Variants in CCDC144A observed in about 807,000 individuals in gnomAD.
CCDC144A encodes coiled-coil domain containing 144A, also known as coiled-coil domain-containing protein 144A.
A neutral mutation model predicts 143.8 loss-of-function variants in CCDC144A; 41 were observed. That is an observed-to-expected ratio of 0.29 (90% CI 0.22 to 0.37). The LOEUF (loss-of-function observed/expected upper bound fraction) is 0.37. Among genes scored for constraint, CCDC144A ranks in the 10% least tolerant of loss-of-function variants. The pLI is 1.00. For missense variants in CCDC144A, 637 were observed against 1,488.8 expected, an observed-to-expected ratio of 0.43 and a Z score of 9.41; for synonymous variants, 242 against 517.9, an observed-to-expected ratio of 0.47 and a Z score of 7.23.
chr17:16,755,677 A>T (rs1277575113), intron 12 of CCDC144A, among the ~76,000 whole-genome samples: 2 of 152,230 alleles, frequency 1.3e-5, no homozygotes, highest in Non-Finnish European at 1.5e-5. Context: ...CTTGTGCCTC[A>T]GCCTCCTGAG....
the CCDC144A span, among the ~76,000 whole-genome samples, chr17:16,677,458 C>A: frequency 6.6e-6 from 1 of 152,014 alleles, no homozygotes; most frequent in East Asian, 1.9e-4. Context: ...TTATTGTCCC[C>A]CTCAAATTCG....
the CCDC144A span, among the ~76,000 whole-genome samples, chr17:16,682,863 G>A: frequency 1.7e-5 from 2 of 120,346 alleles, no homozygotes; most frequent in Admixed American, 1.0e-4. Flanking sequence ...TAAAAGGAAT[G>A]TCTGATCTCT....
At chr17:16,742,723 CTTTGTTT>C (rs1016738386) in intron 12 of CCDC144A, among the ~76,000 whole-genome samples, 3 of 152,028 alleles carry the variant, frequency 2.0e-5, no homozygotes, top group African/African-American at 7.2e-5. Flanking sequence ...CTTCTGGTTT[CTTTGTTT>C]TTTGTTTTTT....
At chr17:16,714,268 G>A (rs1368780281) in intron 6 of CCDC144A, among the ~76,000 whole-genome samples, 3 of 152,206 alleles carry the variant, frequency 2.0e-5, no homozygotes, top group African/African-American at 4.8e-5. Context: ...TTCCAAATGC[G>A]TGTCTCCAGC....
the CCDC144A span, among the ~76,000 whole-genome samples, chr17:16,673,610 T>C: frequency 2.6e-5 from 4 of 151,936 alleles, no homozygotes; most frequent in Non-Finnish European, 4.4e-5. Flanking sequence ...GGTCTCGAAC[T>C]CCTGACCTCA....
In CCDC144A at chr17:16,737,368, G is replaced by T. The variant is rs1335436006; in HGVS notation, c.3372+1725G>T. On this transcript the variant is annotated intron_variant, in intron 12 of 16. Coordinates refer to ENST00000399273, the MANE Select transcript of CCDC144A (RefSeq NM_001382000.1). ...TTTTTAGTAGAGACGGGGTTTCACC[G>T]TTTTAGCCGGGATGGTCTCGATCTC... 3.3e-5 allele frequency among the ~76,000 whole-genome samples: 5 copies of T among 151,302 alleles called. No individual in the cohort carries two copies. The South Asian group carries it at 1.1e-3, about 32-fold the overall frequency.
chr17:16,760,122 TAG>T (rs1044046882), intron 12 of CCDC144A, among the ~76,000 whole-genome samples: 1 of 152,160 alleles, frequency 6.6e-6, no homozygotes, highest in African/African-American at 2.4e-5. Context: ...CAAGCGTCCC[TAG>T]AGAGAGAGTC....
chr17:16,693,618 A>G (rs920351292), intron 2 of CCDC144A, among the ~76,000 whole-genome samples: 1 of 152,166 alleles, frequency 6.6e-6, no homozygotes, highest in African/African-American at 2.4e-5. Context: ...CCCGGCCAAG[A>G]AAAAGATATT....
At chr17:16,699,422 C>T (rs573897869) in intron 2 of CCDC144A, among the ~76,000 whole-genome samples, 6 of 144,916 alleles carry the variant, frequency 4.1e-5, no homozygotes, top group South Asian at 2.3e-4. Flanking sequence ...TCCACCCAGG[C>T]GGGACTGCAG....
intron 12 of CCDC144A, among the ~76,000 whole-genome samples, chr17:16,753,929 A>G (rs1316764253): frequency 6.6e-6 from 1 of 152,250 alleles, no homozygotes; most frequent in Non-Finnish European, 1.5e-5. Context: ...TTTCCTTAAA[A>G]GTTTAGTAGA....
At chr17:16,746,045 G>T in intron 12 of CCDC144A, 4 of 1,610,532 alleles carry the variant, frequency 2.5e-6, no homozygotes, top group South Asian at 1.1e-5. Context: ...TATCACTGCC[G>T]CTGTGTGACG....
intron 8 of CCDC144A, among the ~76,000 whole-genome samples, chr17:16,722,054 C>T (rs903709663): frequency 6.6e-6 from 1 of 152,134 alleles, no homozygotes; most frequent in Non-Finnish European, 1.5e-5. Context: ...TTCATCATGA[C>T]ACATGTTAGT....
At chr17:16,697,770 T>C (rs1911502543) in intron 2 of CCDC144A, among the ~76,000 whole-genome samples, 1 of 152,132 alleles carries the variant, frequency 6.6e-6, no homozygotes, top group South Asian at 2.1e-4. Flanking sequence ...AAACATAAAA[T>C]AAACGTGTCA....
chr17:16,682,160 G>T, the CCDC144A span, among the ~76,000 whole-genome samples: 1 of 151,114 alleles, frequency 6.6e-6, no homozygotes, highest in Non-Finnish European at 1.5e-5. Context: ...CACTTTAAAG[G>T]CAAAGCTGGC....
upstream of CCDC144A, among the ~76,000 whole-genome samples, chr17:16,684,881 G>C (rs1025213708): frequency 6.6e-6 from 1 of 152,146 alleles, no homozygotes; most frequent in African/African-American, 2.4e-5. Flanking sequence ...AGGATGACTT[G>C]AGCTGGGGAG....
rs981467132 is a variant in CCDC144A, at chr17:16,776,535, T to C, written c.*2902T>C. ...GTTGGTGTATAGGAATGCTAGTGAC[T>C]TTTGCACATTGATTTTGTATCCTGA... On this transcript the variant is annotated 3_prime_UTR_variant, in exon 17 of 17. Coordinates refer to ENST00000399273, the MANE Select transcript of CCDC144A (RefSeq NM_001382000.1). The C allele has an allele frequency of 4.6e-5, 7 of 152,236 alleles. No homozygotes were observed. Among genetic ancestry groups the C allele is most frequent in the African/African-American group, 7.2e-5 (3 of 41,446 alleles). 9.4% of individuals were successfully genotyped at this position (152,236 alleles called of 1,614,324 possible).
chr17:16,678,913 C>T, the CCDC144A span, among the ~76,000 whole-genome samples: 1 of 151,888 alleles, frequency 6.6e-6, no homozygotes, highest in Non-Finnish European at 1.5e-5. Context: ...TGCCACCACG[C>T]CCGGCTAATT....
chr17:16,667,992 C>G, the CCDC144A span, among the ~76,000 whole-genome samples: 1 of 149,190 alleles, frequency 6.7e-6, no homozygotes, highest in African/African-American at 2.5e-5. Flanking sequence ...ACTTAGTGAT[C>G]CGTGTTTTCC....
At chr17:16,685,794 G>A (rs559563655), upstream of CCDC144A, among the ~76,000 whole-genome samples, 8 of 151,420 alleles carry the variant, frequency 5.3e-5, no homozygotes, top group East Asian at 1.2e-3. Flanking sequence ...ATTTTGAGAC[G>A]GAGTTTCATT....
Sources: gnomAD v4.1 joint callset for allele counts (sites outside exome capture counted in the v4.1 genomes callset) on GRCh38, gnomAD v4.1.1 for gene constraint, MANE v1.5 for transcripts, NCBI Gene and HGNC (gene_info 2026-07-23, HGNC 2026-07-21) for gene names.